The following SYN1 variants were observed in gnomAD, a reference collection of about 807,000 sequenced individuals.
SYN1 encodes synapsin-1.
SYN1 carries 8 observed loss-of-function variants against 44.6 expected under a neutral mutation model. The observed-to-expected ratio is 0.18, with a 90% CI of 0.11 to 0.32. SYN1 has a LOEUF of 0.32. SYN1 is among the 10% of genes least tolerant of loss of function. The pLI is 1.00. For synonymous variants in SYN1, 275 were observed against 280.1 expected (o/e 0.98, Z 0.18); for missense variants, 451 against 639.4 (o/e 0.71, Z 3.18).
chrX:47,586,461 T>A, intron 5 of SYN1: 2 of 1,181,171 alleles, frequency 1.7e-6, no homozygotes, highest in Non-Finnish European at 2.3e-6. Context: ...GGAGAGGAAG[T>A]TCTGCTCCAC....
At chrX:47,601,964 T>C (rs1437931820) in intron 5 of SYN1, among the ~76,000 whole-genome samples, 1 of 112,287 alleles carries the variant, frequency 8.9e-6, no homozygotes, top group East Asian at 2.8e-4. Flanking sequence ...CACACAATCA[T>C]GTCAATAAAC....
At chrX:47,609,881 G>A (rs1028424368) in intron 1 of SYN1, among the ~76,000 whole-genome samples, 2 of 111,558 alleles carry the variant, frequency 1.8e-5, no homozygotes, top group African/African-American at 6.5e-5. Flanking sequence ...CAGGCCCCCA[G>A]GGTTTTGGAG....
At chrX:47,579,084 C>T (rs764056748) in intron 5 of SYN1, among the ~76,000 whole-genome samples, 6 of 111,407 alleles carry the variant, frequency 5.4e-5, no homozygotes, top group Admixed American at 9.5e-5. Context: ...TCCGCTTTGC[C>T]GAGGCTGGTA....
At chrX:47,585,790 G>A in intron 5 of SYN1, 4 of 1,158,159 alleles carry the variant, frequency 3.5e-6, no homozygotes, top group Non-Finnish European at 4.6e-6. Context: ...CAACCCTAAG[G>A]GCTGTCCCTG....
chrX:47,607,082 A>G, intron 2 of SYN1, 46 bp from the exon 3 acceptor site: 1 of 1,206,195 alleles, frequency 8.3e-7, no homozygotes, highest in East Asian at 3.0e-5. Context: ...TCACACAAAA[A>G]TGGCCACTCA....
At chrX:47,597,484 G>A (rs1389310732) in intron 5 of SYN1, among the ~76,000 whole-genome samples, 2 of 110,801 alleles carry the variant, frequency 1.8e-5, no homozygotes, top group Non-Finnish European at 1.9e-5. Flanking sequence ...TCCAATCTGA[G>A]GAACAGGAAG....
intron 5 of SYN1, among the ~76,000 whole-genome samples, chrX:47,578,732 T>C (rs1366735538): frequency 9.0e-6 from 1 of 111,689 alleles, no homozygotes; most frequent in African/African-American, 3.3e-5. Flanking sequence ...AGTGCCCCTC[T>C]GGTGGCCCTC....
intron 1 of SYN1, among the ~76,000 whole-genome samples, chrX:47,613,358 G>C (rs1447029072): frequency 3.6e-5 from 4 of 110,574 alleles, no homozygotes; most frequent in Admixed American, 9.7e-5. Context: ...AGCTATGTGT[G>C]GGGGCAGCAG....
chrX:47,585,960 C>T (rs778641846), intron 5 of SYN1: 22 of 1,068,489 alleles, frequency 2.1e-5, no homozygotes, highest in Middle Eastern at 5.2e-4. Context: ...CCTGAGCCCC[C>T]GGGATTGTTT....
chrX:47,585,932 GT>G lies in SYN1; in HGVS notation c.775-8432del, dbSNP rs770037969. The G allele has an allele frequency of 2.4e-4, 260 of 1,104,671 alleles. 1 individual carries two copies. The East Asian group carries it at 5.5e-3, about 24-fold the overall frequency. 91.0% of individuals were successfully genotyped at this position (1,104,671 alleles called of 1,213,427 possible). A position where few individuals can be genotyped will look rare whatever the true frequency, so the allele number is the denominator to read the frequency against. Reference sequence around the variant, plus strand: ...TCTAATTCTCCCTTGTGACTATTCTGTAATCCCACTCCCCGTTCCTGAGCCC... The same window carrying G: ...TCTAATTCTCCCTTGTGACTATTCTGAATCCCACTCCCCGTTCCTGAGCCC... On this transcript the variant is annotated intron_variant, in intron 5 of 12. Transcript: ENST00000295987.
At chrX:47,597,200 T>C (rs1000047738) in intron 5 of SYN1, among the ~76,000 whole-genome samples, 6 of 109,995 alleles carry the variant, frequency 5.5e-5, no homozygotes, top group African/African-American at 2.0e-4. Flanking sequence ...CCAGGCATGG[T>C]GGCGTGTGCC....
intron 5 of SYN1, among the ~76,000 whole-genome samples, chrX:47,581,795 T>C (rs776246241): frequency 8.9e-6 from 1 of 111,800 alleles, no homozygotes; most frequent in Admixed American, 9.5e-5. Context: ...GCCTGTGTTA[T>C]TTGAGACCCT....
At chrX:47,610,693 G>A (rs2057914300) in intron 1 of SYN1, among the ~76,000 whole-genome samples, 1 of 110,431 alleles carries the variant, frequency 9.1e-6, no homozygotes, top group South Asian at 3.8e-4. Context: ...CCAGGATACG[G>A]AACTTAAAAC....
intron 5 of SYN1, among the ~76,000 whole-genome samples, chrX:47,581,650 C>T (rs1334550816): frequency 8.0e-5 from 9 of 112,168 alleles, no homozygotes; most frequent in African/African-American, 2.3e-4. Context: ...AGTTCCTCTA[C>T]GCCCCATATT....
chrX:47,585,947 G>A (rs868033123), intron 5 of SYN1: 24 of 1,087,462 alleles, frequency 2.2e-5, no homozygotes, highest in South Asian at 3.9e-5. Context: ...CCCACTCCCC[G>A]TTCCTGAGCC....
chrX:47,619,771 G>A lies in SYN1; in HGVS notation c.-43C>T, dbSNP rs981334423. 1.8e-6 allele frequency: 2 copies of A among 1,139,052 alleles called. No individual in the cohort carries two copies. Among genetic ancestry groups the A allele is most frequent in the Non-Finnish European group, 2.3e-6 (2 of 855,150 alleles). The allele number at this position is 1,139,052 out of a possible 1,213,427, so 93.9% of individuals were successfully genotyped here. A position where few individuals can be genotyped will look rare whatever the true frequency, so the allele number is the denominator to read the frequency against. ...GGGGGTCCTAGGGGTGGTCTGGCCA[G>A]GAGCCGCGGGGGCGGACTGCGCGGT... is the stretch of plus-strand genomic sequence containing the variant. On this transcript the variant is annotated 5_prime_UTR_variant, in exon 1 of 13. Transcript: ENST00000295987.
At position 47,583,421 on chromosome X, in the gene SYN1, C is replaced by A. The variant is rs1024446168; in HGVS notation, c.775-5920G>T. ...CCTTCCCCACAGAACCCACCATGGC[C>A]CCCTTTGAGCCCCTGGCTTCTGGCA... On this transcript the variant is annotated intron_variant, in intron 5 of 12. Coordinates refer to ENST00000295987, the MANE Select transcript of SYN1 (RefSeq NM_006950.3). 4.2e-6 allele frequency: 5 copies of A among 1,202,426 alleles called. No homozygotes were observed. The Admixed American group carries it at 1.1e-4, about 26-fold the overall frequency.
In SYN1 at chrX:47,574,727, G is replaced by A. The variant is rs2147912470; in HGVS notation, c.1354C>T (p.Pro452Ser). The A allele has an allele frequency of 8.4e-7, 1 of 1,189,464 alleles. No individual in the cohort carries two copies. The highest frequency in any genetic ancestry group is 1.1e-6 in the Non-Finnish European group (1 of 884,834). The change falls in exon 11 of 13, where the codon CCC becomes TCC. Residue 452 changes from proline (P) to serine (S), a missense_variant. Physicochemically the swap from Pro to Ser is moderately conservative, Grantham distance 74 (BLOSUM62 -1). Around this residue, in one of 3 missense-constraint regions of SYN1, gnomAD observed 315 missense variants for 451.4 expected, o/e 0.70. Transcript: ENST00000295987. Reference sequence around the variant, plus strand: ...CGCTGCTGAGCCGGGGGCCCTGCGGGCTGCTGGGAGGTCTGGCGGCCCAAG... The same window carrying A: ...CGCTGCTGAGCCGGGGGCCCTGCGGACTGCTGGGAGGTCTGGCGGCCCAAG... ...LPLGRQTSQQ[P>S]AGPPAQQRPP...
At chrX:47,579,000 G>A (rs2057787102) in intron 5 of SYN1, among the ~76,000 whole-genome samples, 1 of 112,114 alleles carries the variant, frequency 8.9e-6, no homozygotes, top group Non-Finnish European at 1.9e-5. Flanking sequence ...CGAGGCGGAT[G>A]CATACAGTAC....
Sources: allele counts gnomAD v4.1 joint callset (sites outside exome capture counted in the v4.1 genomes callset), GRCh38; gene constraint gnomAD v4.1.1; regional missense constraint gnomAD v4.1.1; transcripts MANE v1.5; gene names NCBI Gene and HGNC (gene_info 2026-07-23, HGNC 2026-07-21).